The following MKX variants were observed in gnomAD, a reference collection of about 807,000 sequenced individuals.
MKX encodes the protein homeobox protein Mohawk.
In MKX, 13 loss-of-function variants were observed where a neutral mutation model predicts 36.0. The ratio of observed to expected loss-of-function variants is 0.36; its 90% CI spans 0.24 to 0.57. The LOEUF (loss-of-function observed/expected upper bound fraction) is 0.57, where lower values mean the gene tolerates loss of function less well. Ranked by LOEUF, MKX falls within the 20% of genes least tolerant of loss-of-function variation. The pLI is 0.79. For missense variants in MKX, 458 were observed against 456.4 expected, an observed-to-expected ratio of 1.00 and a Z score of -0.03; for synonymous variants, 176 against 178.3, an observed-to-expected ratio of 0.99 and a Z score of 0.10.
chr10:27,741,540 G>A lies in MKX; in HGVS notation c.189-36C>T. ...GGGAGAGGAGGCGGCCCTGGTGAGCGACGCGTTTGCCCGCCCGGACGCTCC... is the reference window on the plus strand; with the variant it reads ...GGGAGAGGAGGCGGCCCTGGTGAGCAACGCGTTTGCCCGCCCGGACGCTCC... On this transcript the variant is annotated intron_variant, in intron 2 of 6. Transcript: ENST00000419761. The surrounding 1 kb of genome is among the most constrained non-coding windows in gnomAD (Gnocchi z 5.1). The A allele has an allele frequency of 6.5e-7, 1 of 1,535,928 alleles. No homozygotes were observed. The highest frequency in any genetic ancestry group is 8.7e-7 in the Non-Finnish European group (1 of 1,148,752).
At chr10:27,739,067 T>C (rs770250285) in intron 3 of MKX, among the ~76,000 whole-genome samples, 1 of 152,072 alleles carries the variant, frequency 6.6e-6, no homozygotes, top group African/African-American at 2.4e-5. Context: ...TGTGGACATA[T>C]CACAGGAATA....
In MKX at chr10:27,741,634, C is replaced by G. The variant is rs1382897776; in HGVS notation, c.189-130G>C. ...CTGCCTTGCGCCCCTGCTTTGCGCG[C>G]GCCCAGAGTGTTTGGGAGAGGCAGG... is the stretch of plus-strand genomic sequence containing the variant. On this transcript the variant is annotated intron_variant, in intron 2 of 6. Transcript: ENST00000419761. This position sits in a 1 kb window ranked among gnomAD's most constrained non-coding sequence, Gnocchi z 5.1. 1.8e-6 allele frequency: 2 copies of G among 1,088,566 alleles called. No homozygotes were observed. The highest frequency in any genetic ancestry group is 1.3e-6 in the Non-Finnish European group (1 of 790,436). The allele number at this position is 1,088,566 out of a possible 1,614,324, so 67.4% of individuals were successfully genotyped here.
At chr10:27,738,047 A>C (rs983853147) in intron 3 of MKX, among the ~76,000 whole-genome samples, 1 of 152,102 alleles carries the variant, frequency 6.6e-6, no homozygotes, top group Non-Finnish European at 1.5e-5. Flanking sequence ...ATATACTCAT[A>C]GTCTTTTTTT....
chr10:27,714,772 A>G (rs1836934351), intron 5 of MKX, among the ~76,000 whole-genome samples: 1 of 152,246 alleles, frequency 6.6e-6, no homozygotes, highest in African/African-American at 2.4e-5. Context: ...TTATGGCAAG[A>G]TTAGTTTAAA....
intron 5 of MKX, among the ~76,000 whole-genome samples, chr10:27,686,807 C>A (rs1323257845): frequency 2.0e-5 from 3 of 152,074 alleles, no homozygotes; most frequent in Non-Finnish European, 4.4e-5. Flanking sequence ...GCCAGTGTTG[C>A]TTCCAGCCAT....
chr10:27,696,402 A>G (rs1439512188), intron 5 of MKX, among the ~76,000 whole-genome samples: 4 of 152,204 alleles, frequency 2.6e-5, no homozygotes. Flanking sequence ...TTTTGTAGAG[A>G]CAGCACACTT....
chr10:27,719,474 G>T (rs1834327488), intron 5 of MKX, among the ~76,000 whole-genome samples: 1 of 152,138 alleles, frequency 6.6e-6, no homozygotes, highest in Non-Finnish European at 1.5e-5. Flanking sequence ...GCATAAAGCT[G>T]CTACAAATGC....
chr10:27,722,903 A>G (rs1239542067), intron 5 of MKX, among the ~76,000 whole-genome samples: 1 of 152,128 alleles, frequency 6.6e-6, no homozygotes, highest in Non-Finnish European at 1.5e-5. Context: ...TCCTGTGAGC[A>G]TTTCACTGAG....
chr10:27,680,752 G>A (rs1836240014), intron 5 of MKX, among the ~76,000 whole-genome samples: 1 of 152,164 alleles, frequency 6.6e-6, no homozygotes, highest in South Asian at 2.1e-4. Context: ...GTAAAATGAG[G>A]TGAGACTTAG....
chr10:27,700,881 A>C (rs556418910), intron 5 of MKX, among the ~76,000 whole-genome samples: 3 of 152,288 alleles, frequency 2.0e-5, no homozygotes, highest in African/African-American at 7.2e-5. Flanking sequence ...GTTTTCCCCT[A>C]CCAAAATTAA....
In MKX at chr10:27,735,230, A is replaced by G; in HGVS notation, c.493T>C (p.Cys165Arg). 1.3e-6 allele frequency: 2 copies of G among 1,578,332 alleles called. No individual in the cohort carries two copies. The highest frequency in any genetic ancestry group is 1.7e-6 in the Non-Finnish European group (2 of 1,163,948). Reference sequence around the variant, plus strand: ...AAAAATATTAACAAACCTTCAGAACATGAGTCATCACTGCTTACGCTAAGC... The same window carrying G: ...AAAAATATTAACAAACCTTCAGAACGTGAGTCATCACTGCTTACGCTAAGC... ...ERLSVSSDDSCSEDGENPPRT... is the reference protein window; with the variant it reads ...ERLSVSSDDSRSEDGENPPRT... The change falls in exon 4 of 7, where the codon TGT (cysteine) becomes CGT (arginine). Residue 165 changes from cysteine to arginine, a missense_variant. Coordinates refer to ENST00000419761, the MANE Select transcript of MKX (RefSeq NM_173576.3).
intron 5 of MKX, among the ~76,000 whole-genome samples, chr10:27,711,089 A>C (rs1010101745): frequency 6.6e-6 from 1 of 152,232 alleles, no homozygotes; most frequent in Admixed American, 6.5e-5. Flanking sequence ...GTAAGATGAT[A>C]ATAATTTTTT....
At chr10:27,693,751 G>T (rs761311529) in intron 5 of MKX, among the ~76,000 whole-genome samples, 1 of 152,076 alleles carries the variant, frequency 6.6e-6, no homozygotes, top group Non-Finnish European at 1.5e-5. Context: ...AATACTTCTG[G>T]GGGATTAAAA....
rs1836094994 is a variant in MKX at position 27,673,919 on chromosome 10, C to A, written c.*1310G>T. The A allele has an allele frequency of 6.6e-6, 1 of 151,962 alleles. No individual in the cohort carries two copies. Among genetic ancestry groups the A allele is most frequent in the African/African-American group, 2.4e-5 (1 of 41,386 alleles). The allele number at this position is 151,962 out of a possible 1,614,324, so 9.4% of individuals were successfully genotyped here. A position where few individuals can be genotyped will look rare whatever the true frequency, so the allele number is the denominator to read the frequency against. The stretch of plus-strand genomic sequence containing the variant: ...CATACCCAGAAAAAAAAAATCCCAT[C>A]ATAAAAAGTCAAACCCTTTTTACTT... On this transcript the variant is annotated 3_prime_UTR_variant, in exon 7 of 7. Transcript: ENST00000419761.
chr10:27,720,454 A>G (rs1012199215), intron 5 of MKX, among the ~76,000 whole-genome samples: 5 of 152,156 alleles, frequency 3.3e-5, no homozygotes, highest in Non-Finnish European at 7.4e-5. Context: ...AAACTTTCCC[A>G]AGAATTCAAG....
intron 3 of MKX, among the ~76,000 whole-genome samples, chr10:27,737,782 A>C (rs1042187914): frequency 1.3e-5 from 2 of 152,126 alleles, no homozygotes; most frequent in Non-Finnish European, 2.9e-5. Flanking sequence ...TCTTTACTCA[A>C]TGGGATATAA....
chr10:27,729,869 C>T (rs897588889), intron 5 of MKX, among the ~76,000 whole-genome samples: 10 of 151,904 alleles, frequency 6.6e-5, no homozygotes, highest in South Asian at 2.1e-4. Flanking sequence ...GCGGCAAAAA[C>T]GGTTCCATCT....
intron 5 of MKX, among the ~76,000 whole-genome samples, chr10:27,719,148 A>G (rs1166383038): frequency 1.3e-5 from 2 of 152,194 alleles, no homozygotes; most frequent in Non-Finnish European, 2.9e-5. Context: ...GGGGCTCAAA[A>G]ACAATAAAAG....
At chr10:27,683,496 C>G (rs1217883666) in intron 5 of MKX, among the ~76,000 whole-genome samples, 1 of 152,230 alleles carries the variant, frequency 6.6e-6, no homozygotes, top group East Asian at 1.9e-4. Flanking sequence ...TGCTGTTAAG[C>G]AACACATGGC....
Sources: allele counts gnomAD v4.1 joint callset (sites outside exome capture counted in the v4.1 genomes callset), GRCh38; gene constraint gnomAD v4.1.1; non-coding constraint Gnocchi (gnomAD v3.1); transcripts MANE v1.5; gene names NCBI Gene and HGNC (gene_info 2026-07-23, HGNC 2026-07-21).